The following EBF2 variants were observed in gnomAD, a reference collection of about 807,000 sequenced individuals.
EBF2 encodes transcription factor COE2.
Under a neutral mutation model 72.8 loss-of-function variants are expected in EBF2, and 21 were observed. That is an observed-to-expected ratio of 0.29 (90% CI 0.20 to 0.42). The LOEUF (loss-of-function observed/expected upper bound fraction) is 0.42, where lower values mean the gene tolerates loss of function less well. EBF2 is among the 10% of genes least tolerant of loss of function. The pLI, the probability that EBF2 is intolerant of heterozygous loss-of-function variation, is 1.00. For missense variants in EBF2, 637 were observed against 731.2 expected (o/e 0.87, Z 1.49); for synonymous variants, 299 against 274.2 (o/e 1.09, Z -0.89).
intron 6 of EBF2, among the ~76,000 whole-genome samples, chr8:26,019,544 T>C (rs1271558521): frequency 6.6e-6 from 1 of 152,200 alleles, no homozygotes; most frequent in Non-Finnish European, 1.5e-5. Flanking sequence ...CAACAGATCA[T>C]TGGCCCCAGG....
chr8:25,947,662 C>A (rs971175048), intron 6 of EBF2, among the ~76,000 whole-genome samples: 1 of 152,188 alleles, frequency 6.6e-6, no homozygotes. Context: ...TAAGTGCACC[C>A]TATTGGAAGT....
chr8:26,008,927 G>A (rs867496887), intron 6 of EBF2, among the ~76,000 whole-genome samples: 5 of 150,022 alleles, frequency 3.3e-5, no homozygotes, highest in Admixed American at 2.7e-4. Flanking sequence ...AGGAAAAGTC[G>A]TTAAGCCAAA....
intron 7 of EBF2, among the ~76,000 whole-genome samples, chr8:25,904,939 C>G (rs1226567170): frequency 6.6e-6 from 1 of 152,084 alleles, no homozygotes; most frequent in African/African-American, 2.4e-5. Context: ...ATTTTCAAAT[C>G]ACATGTTTGA....
At chr8:26,019,771 T>G (rs1805176945) in intron 6 of EBF2, among the ~76,000 whole-genome samples, 1 of 152,234 alleles carries the variant, frequency 6.6e-6, no homozygotes. Flanking sequence ...CAGAAGTTTC[T>G]AAGCCAAAGC....
chr8:26,020,691 G>A lies in EBF2; in HGVS notation c.551+12394C>T, dbSNP rs147010120. On this transcript the variant is annotated intron_variant, in intron 6 of 15. Transcript: ENST00000520164. ...GACAAGTAGAGGAAGCAGGGGTGGG[G>A]TTAACTTTGCTGTCCCTTTTGCTAT... Among the ~76,000 whole-genome samples, 251 of 152,256 alleles carry A rather than the reference G, an allele frequency of 1.6e-3. 4 individuals are homozygous for A. Among genetic ancestry groups the A allele is most frequent in the Non-Finnish European group, 6.5e-4 (44 of 68,022 alleles).
At chr8:26,026,046 G>T in intron 6 of EBF2, among the ~76,000 whole-genome samples, 1 of 152,110 alleles carries the variant, frequency 6.6e-6, no homozygotes, top group East Asian at 1.9e-4. Context: ...CGGCATAGTG[G>T]CACAACTGTA....
At chr8:25,921,868 G>A (rs756517252) in intron 6 of EBF2, among the ~76,000 whole-genome samples, 5 of 152,166 alleles carry the variant, frequency 3.3e-5, no homozygotes, top group African/African-American at 7.2e-5. Context: ...ACCTGAGCAC[G>A]CTCCCATTGA....
intron 10 of EBF2, among the ~76,000 whole-genome samples, chr8:25,867,787 C>A (rs1463667899): frequency 6.6e-6 from 1 of 152,078 alleles, no homozygotes; most frequent in Non-Finnish European, 1.5e-5. Flanking sequence ...CCCAAGATAC[C>A]CAAGCTCATG....
chr8:25,885,602 G>C (rs1802676395), intron 10 of EBF2, among the ~76,000 whole-genome samples: 1 of 152,140 alleles, frequency 6.6e-6, no homozygotes, highest in Admixed American at 6.5e-5. Flanking sequence ...GAGGGACCTG[G>C]TGGGAGATAG....
intron 6 of EBF2, among the ~76,000 whole-genome samples, chr8:26,007,240 G>A (rs993101769): frequency 1.7e-4 from 26 of 152,152 alleles, no homozygotes; most frequent in Admixed American, 1.6e-3. Context: ...GCCTCTTGGT[G>A]AGTGGACAGG....
intron 6 of EBF2, among the ~76,000 whole-genome samples, chr8:25,910,847 G>A (rs779223295): frequency 1.9e-4 from 29 of 152,148 alleles, no homozygotes; most frequent in Admixed American, 1.3e-3. Flanking sequence ...AGAGAAGACA[G>A]AGACAGAAAG....
At chr8:25,993,705 G>A (rs117458317) in intron 6 of EBF2, among the ~76,000 whole-genome samples, 31 of 152,126 alleles carry the variant, frequency 2.0e-4, no homozygotes, top group Admixed American at 3.9e-4. Flanking sequence ...GTGAGACAAA[G>A]GAATGTAATA....
intron 6 of EBF2, among the ~76,000 whole-genome samples, chr8:25,931,962 G>A (rs1483116306): frequency 6.6e-6 from 1 of 152,124 alleles, no homozygotes; most frequent in Admixed American, 6.6e-5. Flanking sequence ...AATGTCAGCT[G>A]TTTAGGCAGC....
chr8:26,035,572 T>A (rs2117260495), intron 5 of EBF2, among the ~76,000 whole-genome samples: 1 of 152,296 alleles, frequency 6.6e-6, no homozygotes, highest in South Asian at 2.1e-4. Context: ...GTGTGTGGAT[T>A]CGCAAGTGAG....
chr8:25,855,944 CTG>C (rs1802080420), intron 14 of EBF2, among the ~76,000 whole-genome samples: 1 of 152,140 alleles, frequency 6.6e-6, no homozygotes, highest in Non-Finnish European at 1.5e-5. Context: ...TTTTCCTATT[CTG>C]TGTCTACCAT....
At chr8:25,882,188 A>G (rs1802614661) in intron 10 of EBF2, among the ~76,000 whole-genome samples, 1 of 152,094 alleles carries the variant, frequency 6.6e-6, no homozygotes, top group Non-Finnish European at 1.5e-5. Flanking sequence ...ACCCCTAGAC[A>G]CTGCTATGGG....
At chr8:26,042,958 G>T (rs1463640143) in intron 1 of EBF2, among the ~76,000 whole-genome samples, 1 of 152,148 alleles carries the variant, frequency 6.6e-6, no homozygotes, top group Non-Finnish European at 1.5e-5. Flanking sequence ...CAAATGAGAT[G>T]ACCGACATAG....
At chr8:26,031,836 G>C (rs1377263654) in intron 6 of EBF2, 3 of 152,152 alleles carry the variant, frequency 2.0e-5, no homozygotes, top group Non-Finnish European at 4.4e-5. Context: ...TTTTCAGCTA[G>C]ATGAGGAAAA....
chr8:26,005,935 T>C (rs186549916), intron 6 of EBF2, among the ~76,000 whole-genome samples: 1,805 of 151,826 alleles, frequency 0.012, 19 homozygotes, highest in Non-Finnish European at 0.018. Context: ...TAATTTGTGG[T>C]TTTAAAATGG....
Sources: allele counts gnomAD v4.1 joint callset (sites outside exome capture counted in the v4.1 genomes callset), GRCh38; gene constraint gnomAD v4.1.1; transcripts MANE v1.5; gene names NCBI Gene and HGNC (gene_info 2026-07-23, HGNC 2026-07-21).